Variants in PPP1R7 observed in about 807,000 individuals in gnomAD.
The protein encoded by PPP1R7 is protein phosphatase 1 regulatory subunit 7.
PPP1R7 carries 18 observed loss-of-function variants against 45.2 expected under a neutral mutation model. That is an observed-to-expected ratio of 0.40 (90% CI 0.28 to 0.59). The LOEUF (loss-of-function observed/expected upper bound fraction) is 0.59, where lower values mean the gene tolerates loss of function less well. Ranked by LOEUF, PPP1R7 falls within the 20% of genes least tolerant of loss-of-function variation. The pLI is 0.46. For synonymous variants in PPP1R7, 181 were observed against 183.4 expected (o/e 0.99, Z 0.11); for missense variants, 314 against 455.8 (o/e 0.69, Z 2.83).
Position 241,166,906 on chromosome 2 carries a change from G to A in PPP1R7, c.819+465G>A, listed in dbSNP as rs1209531866. The A allele has an allele frequency of 9.7e-6, 7 of 718,806 alleles. No individual in the cohort carries two copies. The East Asian group carries it at 1.7e-4, about 17-fold the overall frequency. 44.5% of individuals were successfully genotyped at this position (718,806 alleles called of 1,614,324 possible). On this transcript the variant is annotated intron_variant, in intron 8 of 9. Transcript: ENST00000234038. ...TACTTCCCAGCCCACAGAGAGCACA[G>A]GACCAGCTCTCAGTCCCAGCCCCTT...
rs1340906319 is a variant in PPP1R7, at chr2:241,153,418, A to G, written c.53-58A>G. On this transcript the variant is annotated intron_variant, in intron 1 of 9. Coordinates refer to ENST00000234038, the MANE Select transcript of PPP1R7 (RefSeq NM_002712.3). The stretch of plus-strand genomic sequence containing the variant: ...TGACTTACAACCGGGTGTTTATTAT[A>G]TGTTCCTCAAAGTCCCATAAAGTGG... The G allele has an allele frequency of 3.7e-6, 6 of 1,602,372 alleles. No homozygotes were observed. The East Asian group carries it at 6.7e-5, about 18-fold the overall frequency.
intron 9 of PPP1R7, among the ~76,000 whole-genome samples, chr2:241,181,080 C>A (rs531693000): frequency 6.6e-6 from 1 of 152,276 alleles, no homozygotes; most frequent in South Asian, 2.1e-4. Flanking sequence ...TGCCTGTAAT[C>A]CCAGCTACTT....
intron 9 of PPP1R7, among the ~76,000 whole-genome samples, chr2:241,180,416 AAAATC>A (rs1270544566): frequency 1.8e-4 from 26 of 144,894 alleles, no homozygotes; most frequent in African/African-American, 7.2e-4. Flanking sequence ...AAAAAGTGAA[AAAATC>A]GCAAAAAAAT....
Position 241,164,774 on chromosome 2 carries a change from G to A in PPP1R7, c.714+1373G>A, listed in dbSNP as rs528583238. Among the ~76,000 whole-genome samples, 515 of 152,216 alleles carry A rather than the reference G, an allele frequency of 3.4e-3. 4 individuals carry two copies. Among genetic ancestry groups the A allele is most frequent in the African/African-American group, 0.012 (478 of 41,542 alleles). On this transcript the variant is annotated intron_variant, in intron 7 of 9. Coordinates refer to ENST00000234038, the MANE Select transcript of PPP1R7 (RefSeq NM_002712.3). Reference sequence around the variant, plus strand: ...ATAAAAAAAAGCTCTTAGGCCAGGCGTGGTGGCTCACGCCTGTAATCCCAG... The same window carrying A: ...ATAAAAAAAAGCTCTTAGGCCAGGCATGGTGGCTCACGCCTGTAATCCCAG...
At chr2:241,158,926 A>T in intron 4 of PPP1R7, 1 of 429,668 alleles carries the variant, frequency 2.3e-6, no homozygotes, top group Non-Finnish European at 4.3e-6. Context: ...AGTGGCAGAC[A>T]CCCACACCCC....
At chr2:241,152,680 G>A (rs150062125) in intron 1 of PPP1R7, among the ~76,000 whole-genome samples, 3 of 152,216 alleles carry the variant, frequency 2.0e-5, no homozygotes, top group Non-Finnish European at 4.4e-5. Flanking sequence ...AGTATTTTCA[G>A]TATGGTTGAT....
intron 5 of PPP1R7, 46 bp downstream of exon 5, chr2:241,159,389 T>C: frequency 6.2e-7 from 1 of 1,602,896 alleles, no homozygotes; most frequent in Non-Finnish European, 8.5e-7. Flanking sequence ...GGAAGGCCAC[T>C]GGGTGGGGGG....
rs114771407 is a variant in PPP1R7, at chr2:241,177,289, C to T, written c.907-5358C>T. Among the ~76,000 whole-genome samples, 1,060 of 152,046 alleles carry T rather than the reference C, an allele frequency of 7.0e-3. 6 individuals are homozygous for T. The highest frequency in any genetic ancestry group is 0.024 in the African/African-American group (994 of 41,456). Reference sequence around the variant, plus strand: ...AAATTTAGCTGGATGTGGTGGCACGCGCCTGTAGTCACCACTACTCGGGAG... The same window carrying T: ...AAATTTAGCTGGATGTGGTGGCACGTGCCTGTAGTCACCACTACTCGGGAG... On this transcript the variant is annotated intron_variant, in intron 9 of 9. Transcript: ENST00000234038.
Position 241,159,284 on chromosome 2 carries a change from G to A in PPP1R7, c.375G>A (p.Leu125=). 6.2e-7 allele frequency: 1 copy of A among 1,613,880 alleles called. No homozygotes were observed. The highest frequency in any genetic ancestry group is 8.5e-7 in the Non-Finnish European group (1 of 1,179,844). The change falls in exon 5 of 10, where the codon CTG becomes CTA. Residue 125 remains leucine, a synonymous_variant. Coordinates refer to ENST00000234038, the MANE Select transcript of PPP1R7 (RefSeq NM_002712.3). ...AGGAGCTACAGAGTCTTCGAGAGCT[G>A]GATCTTTACGACAACCAGATCAAGA... ...NLEELQSLRE[L]DLYDNQIKKI...
intron 8 of PPP1R7, among the ~76,000 whole-genome samples, chr2:241,166,839 T>TTAGGCCAC (rs2067723934): frequency 6.6e-6 from 1 of 152,186 alleles, no homozygotes; most frequent in African/African-American, 2.4e-5. Flanking sequence ...TGGCATCCCT[T>TTAGGCCAC]TAGGCCACTG....
intron 2 of PPP1R7, among the ~76,000 whole-genome samples, chr2:241,156,440 G>T (rs2067458707): frequency 6.6e-6 from 1 of 152,214 alleles, no homozygotes; most frequent in Non-Finnish European, 1.5e-5. Flanking sequence ...GGAGGCCAAG[G>T]TGGGAGGATC....
chr2:241,182,929 A>T lies in PPP1R7; in HGVS notation c.*106A>T. ...AGGTCGTCACTATATCAACAGTCAC[A>T]AACCCAATGGCAATAAAGGCACTGA... On this transcript the variant is annotated 3_prime_UTR_variant, in exon 10 of 10. Transcript: ENST00000234038. 1.5e-6 allele frequency: 2 copies of T among 1,315,532 alleles called. 1 individual carries two copies. The highest frequency in any genetic ancestry group is 4.2e-4 in the Middle Eastern group (2 of 4,776). 81.5% of individuals were successfully genotyped at this position (1,315,532 alleles called of 1,614,324 possible).
At chr2:241,176,178 G>A (rs188916176) in intron 9 of PPP1R7, among the ~76,000 whole-genome samples, 4 of 152,202 alleles carry the variant, frequency 2.6e-5, no homozygotes, top group African/African-American at 9.7e-5. Flanking sequence ...CTCCCAAAGT[G>A]CTGGGATTAC....
chr2:241,179,223 A>G (rs532317827), intron 9 of PPP1R7, among the ~76,000 whole-genome samples: 93 of 152,298 alleles, frequency 6.1e-4, no homozygotes, highest in African/African-American at 2.1e-3. Context: ...AAGGATGTTG[A>G]AGAAGGGATG....
intron 9 of PPP1R7, among the ~76,000 whole-genome samples, chr2:241,171,646 A>G (rs2067819287): frequency 1.3e-5 from 2 of 152,374 alleles, no homozygotes; most frequent in Admixed American, 6.5e-5. Context: ...AAACCTTCCA[A>G]CTATAATTGT....
intron 9 of PPP1R7, among the ~76,000 whole-genome samples, chr2:241,181,572 G>A (rs1247854239): frequency 6.6e-6 from 1 of 152,018 alleles, no homozygotes; most frequent in Admixed American, 6.5e-5. Flanking sequence ...GGGGAGCTGT[G>A]CAGAGCAGAG....
rs1316225734 is a variant in PPP1R7 at position 241,169,802 on chromosome 2, A to G, written c.841A>G (p.Ile281Val). The G allele has an allele frequency of 1.2e-6, 2 of 1,611,630 alleles. No homozygotes were observed. Among genetic ancestry groups the G allele is most frequent in the South Asian group, 2.2e-5 (2 of 91,028 alleles). Reference protein sequence around the residue: ...ENNNKLTMLDIASNRIKKIEN... With the variant: ...ENNNKLTMLDVASNRIKKIEN... ...TTAGAACAAACTCACGATGTTGGAC[A>G]TTGCATCAAATAGAATCAAAAAGAT... Residue 281 changes from isoleucine to valine, a missense_variant, in exon 9 of 10, where the codon ATT becomes GTT. This residue lies in a region of PPP1R7 where 168 missense variants were observed against 285.3 expected (regional missense o/e 0.59). Coordinates refer to ENST00000234038, the MANE Select transcript of PPP1R7 (RefSeq NM_002712.3).
chr2:241,181,492 TTC>T (rs779075513), intron 9 of PPP1R7, among the ~76,000 whole-genome samples: 3 of 151,966 alleles, frequency 2.0e-5, no homozygotes, highest in Non-Finnish European at 4.4e-5. Flanking sequence ...AACACAGTAC[TTC>T]TGAGTGGAAG....
rs1262079030 is a variant in PPP1R7, at chr2:241,164,186, CT to C, written c.714+788del. Reference sequence around the variant, plus strand: ...CCTGCCTTGGCCTCCCAAAAAATTTCTTTCTTAAGTGCCATGTTTTTGGCTT... The same window carrying C: ...CCTGCCTTGGCCTCCCAAAAAATTTCTTCTTAAGTGCCATGTTTTTGGCTT... On this transcript the variant is annotated intron_variant, in intron 7 of 9. Transcript: ENST00000234038. Among the ~76,000 whole-genome samples, 5 of 152,202 alleles carry C rather than the reference CT, an allele frequency of 3.3e-5. No homozygotes were observed. In the East Asian group the frequency reaches 7.8e-4, roughly 24 times the overall value.
Sources: allele counts gnomAD v4.1 joint callset (sites outside exome capture counted in the v4.1 genomes callset), GRCh38; gene constraint gnomAD v4.1.1; regional missense constraint gnomAD v4.1.1; transcripts MANE v1.5; gene names NCBI Gene and HGNC (gene_info 2026-07-23, HGNC 2026-07-21).